The following NRXN3 variants were observed in gnomAD, a reference collection of about 807,000 sequenced individuals.
The protein encoded by NRXN3 is neurexin 3.
In NRXN3, 32 loss-of-function variants were observed where a neutral mutation model predicts 137.6. The ratio of observed to expected loss-of-function variants is 0.23; its 90% CI spans 0.18 to 0.31. The LOEUF (loss-of-function observed/expected upper bound fraction) is 0.31, where lower values mean the gene tolerates loss of function less well. NRXN3 is among the 10% of genes least tolerant of loss of function. The probability of loss-of-function intolerance (pLI) is 1.00; values close to 1 mark genes in which losing one functional copy is unlikely to be tolerated. For synonymous variants in NRXN3, 798 were observed against 784.5 expected (o/e 1.02, Z -0.29); for missense variants, 1,574 against 2,062.5 (o/e 0.76, Z 4.59).
intron 1 of NRXN3, among the ~76,000 whole-genome samples, chr14:78,173,393 C>T (rs531917214): frequency 3.4e-4 from 52 of 152,126 alleles, no homozygotes; most frequent in South Asian, 1.9e-3. Context: ...AGAAATCCAT[C>T]GGCACCAGCT....
chr14:79,161,590 C>G (rs553003155), intron 15 of NRXN3, among the ~76,000 whole-genome samples: 1 of 152,042 alleles, frequency 6.6e-6, no homozygotes, highest in Non-Finnish European at 1.5e-5. Context: ...AAAGCGTGTT[C>G]AGTATGTGTT....
chr14:78,836,775 G>A (rs1041081501), intron 10 of NRXN3, among the ~76,000 whole-genome samples: 1 of 152,128 alleles, frequency 6.6e-6, no homozygotes, highest in African/African-American at 2.4e-5. Context: ...ATGTGAATAG[G>A]ACAATTTACT....
Position 79,180,713 on chromosome 14 carries a change from C to A in NRXN3, c.3262+192572C>A, listed in dbSNP as rs375175594. On this transcript the variant is annotated intron_variant, in intron 15 of 20. Coordinates refer to ENST00000335750, the MANE Select transcript of NRXN3 (RefSeq NM_001330195.2). ...TCATAAGGTACTTGAAAATTAGAAT[C>A]ACAGGGCGCTGTGGAAGCTTTTACA... Among the ~76,000 whole-genome samples the A allele has an allele frequency of 5.9e-5, 9 of 152,152 alleles. No individual in the cohort carries two copies. In the East Asian group the frequency reaches 1.5e-3, roughly 26 times the overall value.
chr14:78,227,536 T>C (rs142297342), intron 1 of NRXN3, among the ~76,000 whole-genome samples: 14 of 152,312 alleles, frequency 9.2e-5, no homozygotes, highest in Non-Finnish European at 1.5e-4. Context: ...CATTCTCAGC[T>C]CACAGCACAG....
intron 20 of NRXN3, among the ~76,000 whole-genome samples, chr14:79,829,659 G>A (rs566163373): frequency 2.8e-4 from 42 of 152,188 alleles, no homozygotes; most frequent in Non-Finnish European, 4.1e-4. Context: ...ATGTGTGTGT[G>A]TGCCTGTGTG....
At chr14:79,681,740 G>A (rs2098671387) in intron 17 of NRXN3, among the ~76,000 whole-genome samples, 1 of 150,326 alleles carries the variant, frequency 6.7e-6, no homozygotes, top group African/African-American at 2.5e-5. Context: ...TGGGATTGTA[G>A]CTATTTTTTT....
chr14:78,770,261 A>C (rs1405215360), intron 8 of NRXN3, among the ~76,000 whole-genome samples: 2 of 152,224 alleles, frequency 1.3e-5, no homozygotes, highest in Non-Finnish European at 2.9e-5. Flanking sequence ...AACTGAACCC[A>C]GGTCTAGCTG....
rs1281277746 is a variant in NRXN3, at chr14:79,808,286, ATGTATGTAT to A, written c.4093+3097_4093+3105del. Among the ~76,000 whole-genome samples the A allele has an allele frequency of 4.3e-4, 64 of 148,456 alleles. 1 individual carries two copies. The highest frequency in any genetic ancestry group is 4.0e-4 in the Admixed American group (6 of 14,866). On this transcript the variant is annotated intron_variant, in intron 20 of 20. Coordinates refer to ENST00000335750, the MANE Select transcript of NRXN3 (RefSeq NM_001330195.2). The stretch of plus-strand genomic sequence containing the variant: ...TATATATATATATATGTATGTATGT[ATGTATGTAT>A]CTCAGGCTTCACATTTTCCAAAAAC...
chr14:78,949,331 C>A (rs2099381358), intron 10 of NRXN3, among the ~76,000 whole-genome samples: 1 of 152,020 alleles, frequency 6.6e-6, no homozygotes, highest in Non-Finnish European at 1.5e-5. Context: ...TATGTATTTA[C>A]TACTATATGG....
chr14:79,845,676 C>T (rs192816422), intron 20 of NRXN3, among the ~76,000 whole-genome samples: 1,932 of 100,486 alleles, frequency 0.019, 332 homozygotes, highest in African/African-American at 0.085. Flanking sequence ...GAGACGGAGA[C>T]GGGGAGAGAG....
chr14:78,865,198 AC>A (rs2099083597), intron 10 of NRXN3, among the ~76,000 whole-genome samples: 1 of 152,170 alleles, frequency 6.6e-6, no homozygotes, highest in South Asian at 2.1e-4. Context: ...CTCATGAACA[AC>A]CATTATTAAC....
At chr14:78,510,680 T>C (rs1271201638) in intron 4 of NRXN3, among the ~76,000 whole-genome samples, 1 of 152,202 alleles carries the variant, frequency 6.6e-6, no homozygotes, top group Non-Finnish European at 1.5e-5. Context: ...TTGCTTTCTT[T>C]GTTTGATCCC....
intron 4 of NRXN3, among the ~76,000 whole-genome samples, chr14:78,319,675 A>C (rs1426143023): frequency 6.6e-6 from 1 of 152,130 alleles, no homozygotes; most frequent in East Asian, 1.9e-4. Context: ...AGTAACCTGG[A>C]GCTGGCACTG....
intron 8 of NRXN3, among the ~76,000 whole-genome samples, chr14:78,735,613 C>G (rs1595342925): frequency 6.6e-6 from 1 of 152,132 alleles, no homozygotes; most frequent in South Asian, 2.1e-4. Context: ...ATGTAATTCA[C>G]CATGACCTAA....
At chr14:79,534,697 T>C (rs1251380063) in intron 16 of NRXN3, among the ~76,000 whole-genome samples, 1 of 151,396 alleles carries the variant, frequency 6.6e-6, no homozygotes, top group Non-Finnish European at 1.5e-5. Flanking sequence ...AAAAAAAAAA[T>C]TATGAAAAGA....
intron 10 of NRXN3, among the ~76,000 whole-genome samples, chr14:78,836,365 C>T (rs931012900): frequency 1.3e-5 from 2 of 152,196 alleles, no homozygotes; most frequent in Admixed American, 1.3e-4. Flanking sequence ...TTTTCACCTC[C>T]TTCTTGGGAG....
chr14:79,022,295 G>A (rs1276487738), intron 15 of NRXN3, among the ~76,000 whole-genome samples: 2 of 152,298 alleles, frequency 1.3e-5, no homozygotes, highest in South Asian at 4.1e-4. Flanking sequence ...ACATGAGCTA[G>A]TACAATGTAC....
intron 4 of NRXN3, among the ~76,000 whole-genome samples, chr14:78,309,601 G>T (rs2077741538): frequency 6.6e-6 from 1 of 152,004 alleles, no homozygotes; most frequent in Non-Finnish European, 1.5e-5. Flanking sequence ...AACTAAGCAG[G>T]TTTATTGACT....
chr14:78,756,700 T>G (rs2098670124), intron 8 of NRXN3, among the ~76,000 whole-genome samples: 1 of 117,450 alleles, frequency 8.5e-6, no homozygotes, highest in African/African-American at 7.5e-5. Context: ...GGCAGCTGGT[T>G]TGGAAACAGC....
Sources: allele counts gnomAD v4.1 joint callset (sites outside exome capture counted in the v4.1 genomes callset), GRCh38; gene constraint gnomAD v4.1.1; transcripts MANE v1.5; gene names NCBI Gene and HGNC (gene_info 2026-07-23, HGNC 2026-07-21).